Variants in TCFL5 observed in about 807,000 individuals in gnomAD.
The protein encoded by TCFL5 is transcription factor-like 5 protein.
A neutral mutation model predicts 44.3 loss-of-function variants in TCFL5; 9 were observed. The observed-to-expected ratio is 0.20, with a 90% CI of 0.12 to 0.35. The LOEUF (loss-of-function observed/expected upper bound fraction) is 0.35. Among genes scored for constraint, TCFL5 ranks in the 10% least tolerant of loss-of-function variants. The pLI, the probability that TCFL5 is intolerant of heterozygous loss-of-function variation, is 1.00. For missense variants in TCFL5, 603 were observed against 613.4 expected (o/e 0.98, Z 0.18); for synonymous variants, 319 against 271.6 (o/e 1.17, Z -1.72).
At chr20:62,860,728 C>T (rs1215399795) in intron 1 of TCFL5, among the ~76,000 whole-genome samples, 1 of 152,246 alleles carries the variant, frequency 6.6e-6, no homozygotes, top group East Asian at 1.9e-4. Context: ...CCCTGACATC[C>T]AAGAGTGCCA....
chr20:62,848,223 GAAGGGAGGGACAGACACCAC>G (rs1191781179), intron 5 of TCFL5, among the ~76,000 whole-genome samples: 1 of 152,212 alleles, frequency 6.6e-6, no homozygotes, highest in African/African-American at 2.4e-5. Flanking sequence ...CTGGTGTGAA[GAAGGGAGGGACAGACACCAC>G]AAGGGAGGCC....
At chr20:62,860,819 T>G (rs1225339875) in intron 1 of TCFL5, among the ~76,000 whole-genome samples, 1 of 152,164 alleles carries the variant, frequency 6.6e-6, no homozygotes, top group Non-Finnish European at 1.5e-5. Context: ...GTGTTTAGTT[T>G]CTGGAAGTAC....
intron 5 of TCFL5, chr20:62,845,024 C>T: frequency 1.0e-5 from 10 of 986,188 alleles, no homozygotes; most frequent in Non-Finnish European, 1.2e-5. Flanking sequence ...TCCACCCATC[C>T]ACTTTTAAGC....
Position 62,851,394 on chromosome 20 carries a change from A to C in TCFL5, c.1380+2622T>G, listed in dbSNP as rs184528606. On this transcript the variant is annotated intron_variant, in intron 5 of 5. Transcript: ENST00000335351. ...ATCTTTGACTATACATACAATTAAC[A>C]TTTTTTAATTTCAAAAATTATAAAT... is the stretch of plus-strand genomic sequence containing the variant. 9.1e-5 allele frequency: 41 copies of C among 448,988 alleles called. No homozygotes were observed. In the East Asian group the frequency reaches 5.7e-3, roughly 63 times the overall value. 27.8% of individuals were successfully genotyped at this position (448,988 alleles called of 1,614,324 possible). A position where few individuals can be genotyped will look rare whatever the true frequency, so the allele number is the denominator to read the frequency against.
At position 62,857,571 on chromosome 20, in the gene TCFL5, T is replaced by A. The variant is rs750390882; in HGVS notation, c.1062A>T (p.Val354=). The A allele has an allele frequency of 6.2e-7, 1 of 1,614,266 alleles. No individual in the cohort carries two copies. The highest frequency in any genetic ancestry group is 8.5e-7 in the Non-Finnish European group (1 of 1,180,044). Residue 354 remains valine, a synonymous_variant, in exon 4 of 6, where the codon GTA becomes GTT. Coordinates refer to ENST00000335351, the MANE Select transcript of TCFL5 (RefSeq NM_006602.4). ...GAATCTCTCCAAGGGCTCTTCGCTCTACATTTGTGTCCAACTGACGCATTC... is the reference window on the plus strand; with the variant it reads ...GAATCTCTCCAAGGGCTCTTCGCTCAACATTTGTGTCCAACTGACGCATTC... ...RSRMRQLDTN[V]ERRALGEIQN... is the part of the protein sequence containing the mutation.
At chr20:62,856,969 C>T (rs928947158) in intron 4 of TCFL5, among the ~76,000 whole-genome samples, 14 of 152,186 alleles carry the variant, frequency 9.2e-5, no homozygotes, top group South Asian at 2.1e-4. Flanking sequence ...GCAGTGCCTA[C>T]GTGACACGCC....
At chr20:62,845,958 A>G (rs1210105455) in intron 5 of TCFL5, 4 of 1,457,308 alleles carry the variant, frequency 2.7e-6, no homozygotes, top group Non-Finnish European at 3.7e-6. Context: ...AAATGAGCCC[A>G]GATAGAAACT....
chr20:62,847,500 G>C (rs911081729), intron 5 of TCFL5, among the ~76,000 whole-genome samples: 2 of 152,230 alleles, frequency 1.3e-5, no homozygotes, highest in Non-Finnish European at 2.9e-5. Context: ...GCACGGCCCA[G>C]GCCAGAGGGG....
At chr20:62,851,115 G>A (rs1431785586) in intron 5 of TCFL5, among the ~76,000 whole-genome samples, 2 of 152,200 alleles carry the variant, frequency 1.3e-5, no homozygotes, top group African/African-American at 2.4e-5. Context: ...CATGTATTAC[G>A]TCTTCAAGGA....
chr20:62,842,490 G>T lies in TCFL5; in HGVS notation c.1381-393C>A, dbSNP rs867398889. Among the ~76,000 whole-genome samples, 10 of 152,210 alleles carry T rather than the reference G, an allele frequency of 6.6e-5. No homozygotes were observed. Among genetic ancestry groups the T allele is most frequent in the Non-Finnish European group, 7.3e-5 (5 of 68,032 alleles). ...TATTAAAACGTTTCAGGCCGGGCGT[G>T]GCGGCTCACGCCTATAATCCCAGCA... On this transcript the variant is annotated intron_variant, in intron 5 of 5. Transcript: ENST00000335351. The surrounding 1 kb of genome is among the most constrained non-coding windows in gnomAD (Gnocchi z 4.3).
intron 5 of TCFL5, chr20:62,845,930 CGAACCCT>C (rs1568776303): frequency 6.7e-7 from 1 of 1,490,662 alleles, no homozygotes; most frequent in Admixed American, 2.0e-5. Context: ...TTCAGGAATC[CGAACCCT>C]GAACAGCTGG....
At chr20:62,845,593 C>G (rs576620906) in intron 5 of TCFL5, 540 of 1,554,224 alleles carry the variant, frequency 3.5e-4, no homozygotes, top group Non-Finnish European at 4.5e-4. Flanking sequence ...GGGCCGGCTC[C>G]GGAGAAGTTA....
At chr20:62,844,576 T>TG (rs1460602638) in intron 5 of TCFL5, among the ~76,000 whole-genome samples, 55 of 132,504 alleles carry the variant, frequency 4.2e-4, no homozygotes, top group African/African-American at 1.8e-3. Flanking sequence ...TTTTTGTTTG[T>TG]TTTTTGTTTT....
At chr20:62,859,549 G>C in intron 2 of TCFL5, 23 bp from the exon 3 acceptor site, 1 of 1,600,800 alleles carries the variant, frequency 6.2e-7, no homozygotes, top group Non-Finnish European at 8.5e-7. Context: ...GAAGCAACAG[G>C]AATTTTATCA....
intron 3 of TCFL5, among the ~76,000 whole-genome samples, chr20:62,859,115 ACTGTT>A (rs1393956440): frequency 6.6e-6 from 1 of 152,222 alleles, no homozygotes; most frequent in Non-Finnish European, 1.5e-5. Flanking sequence ...CTATCACTTT[ACTGTT>A]AAGAAAAAGC....
rs1419347292 is a variant in TCFL5 at position 62,842,663 on chromosome 20, T to A, written c.1381-566A>T. 6.6e-6 allele frequency among the ~76,000 whole-genome samples: 1 copy of A among 152,176 alleles called. No homozygotes were observed. The highest frequency in any genetic ancestry group is 1.5e-5 in the Non-Finnish European group (1 of 68,028). On this transcript the variant is annotated intron_variant, in intron 5 of 5. Transcript: ENST00000335351. The surrounding 1 kb of genome is among the most constrained non-coding windows in gnomAD (Gnocchi z 4.3). Reference sequence around the variant, plus strand: ...TTGTGACCCCAGCTACTTGGGAGGCTGAGGCAGGACAATCTCTTGAGCCTG... The same window carrying A: ...TTGTGACCCCAGCTACTTGGGAGGCAGAGGCAGGACAATCTCTTGAGCCTG...
chr20:62,861,069 G>C lies in TCFL5; in HGVS notation c.602C>G (p.Ala201Gly). Residue 201 changes from alanine (A) to glycine (G), a missense_variant, in exon 1 of 6, where the codon GCG becomes GGG. By Grantham distance (60) the Ala-to-Gly change is moderately conservative. Around this residue, in one of 4 missense-constraint regions of TCFL5, gnomAD observed 540 missense variants for 478.7 expected, o/e 1.13. Coordinates refer to ENST00000335351, the MANE Select transcript of TCFL5 (RefSeq NM_006602.4). This position sits in a 1 kb window ranked among gnomAD's most constrained non-coding sequence, Gnocchi z 4.0. ...CTCGGGGGGCTCGGGGCCGCGCGGCGCGGGCGGCGGCTCGGCGGGGATGCT... is the reference window on the plus strand; with the variant it reads ...CTCGGGGGGCTCGGGGCCGCGCGGCCCGGGCGGCGGCTCGGCGGGGATGCT... ...FNSIPAEPPPAPRGPEPPEPG... is the reference protein window; with the variant it reads ...FNSIPAEPPPGPRGPEPPEPG... The C allele has an allele frequency of 1.0e-6, 1 of 995,832 alleles. No individual in the cohort carries two copies. Among genetic ancestry groups the C allele is most frequent in the Non-Finnish European group, 1.2e-6 (1 of 838,668 alleles). 61.7% of individuals were successfully genotyped at this position (995,832 alleles called of 1,614,324 possible). A position where few individuals can be genotyped will look rare whatever the true frequency, so the allele number is the denominator to read the frequency against.
chr20:62,841,161 A>G lies in TCFL5; in HGVS notation c.*814T>C, dbSNP rs1289068420. On this transcript the variant is annotated 3_prime_UTR_variant, in exon 6 of 6. Coordinates refer to ENST00000335351, the MANE Select transcript of TCFL5 (RefSeq NM_006602.4). ...ATGTACAGTAAATTCTCTCCCATACAAAGGTCTAGTCTGATGTTTTGTGTA... is the reference window on the plus strand; with the variant it reads ...ATGTACAGTAAATTCTCTCCCATACGAAGGTCTAGTCTGATGTTTTGTGTA... 2 of 201,688 alleles carry G rather than the reference A, an allele frequency of 9.9e-6. No homozygotes were observed. Among genetic ancestry groups the G allele is most frequent in the Non-Finnish European group, 2.1e-5 (2 of 97,478 alleles). 12.5% of individuals were successfully genotyped at this position (201,688 alleles called of 1,614,324 possible). A position where few individuals can be genotyped will look rare whatever the true frequency, so the allele number is the denominator to read the frequency against.
chr20:62,849,350 A>G (rs1424409530), intron 5 of TCFL5, among the ~76,000 whole-genome samples: 1 of 152,212 alleles, frequency 6.6e-6, no homozygotes, highest in African/African-American at 2.4e-5. Flanking sequence ...AAATTACACC[A>G]AAATTTAAAA....
Sources: allele counts gnomAD v4.1 joint callset (sites outside exome capture counted in the v4.1 genomes callset), GRCh38; gene constraint gnomAD v4.1.1; regional missense constraint gnomAD v4.1.1; non-coding constraint Gnocchi (gnomAD v3.1); transcripts MANE v1.5; gene names NCBI Gene and HGNC (gene_info 2026-07-23, HGNC 2026-07-21).